PRPF18: variants seen among roughly 807,000 people sequenced by gnomAD.
PRPF18 encodes the protein pre-mRNA-splicing factor 18.
In PRPF18, 38 loss-of-function variants were observed where a neutral mutation model predicts 46.5. The observed-to-expected ratio is 0.82, with a 90% CI of 0.63 to 1.07. The LOEUF (loss-of-function observed/expected upper bound fraction) is 1.07. PRPF18 is among the 50% of genes least tolerant of loss of function. The pLI is 0.00. For missense variants in PRPF18, 263 were observed against 410.0 expected (o/e 0.64, Z 3.10); for synonymous variants, 152 against 146.7 (o/e 1.04, Z -0.26).
At chr10:13,613,056 G>T in intron 6 of PRPF18, among the ~76,000 whole-genome samples, 1 of 152,206 alleles carries the variant, frequency 6.6e-6, no homozygotes, top group East Asian at 1.9e-4. Flanking sequence ...GATACAGCAT[G>T]GAAGTAGATA....
chr10:13,593,751 G>A (rs1247661136), intron 1 of PRPF18, among the ~76,000 whole-genome samples: 1 of 152,180 alleles, frequency 6.6e-6, no homozygotes, highest in African/African-American at 2.4e-5. Context: ...AAGGACCAAT[G>A]AAGATCCAGC....
chr10:13,648,463 T>C, the PRPF18 span, among the ~76,000 whole-genome samples: 2 of 151,974 alleles, frequency 1.3e-5, no homozygotes, highest in African/African-American at 4.8e-5. Context: ...CTGGTGGTGC[T>C]CTCCACCATG....
At chr10:13,596,715 A>G (rs2080040289) in intron 1 of PRPF18, among the ~76,000 whole-genome samples, 1 of 152,222 alleles carries the variant, frequency 6.6e-6, no homozygotes, top group African/African-American at 2.4e-5. Context: ...GACAAGATTT[A>G]GAGCTTGTCT....
chr10:13,648,117 G>C, the PRPF18 span: 1 of 152,184 alleles, frequency 6.6e-6, no homozygotes, highest in East Asian at 1.9e-4. Flanking sequence ...TTTCTCATCT[G>C]GCCTTAAAAT....
chr10:13,609,940 G>T, intron 4 of PRPF18, 99 bp from the exon 5 acceptor site: 1 of 1,299,974 alleles, frequency 7.7e-7, no homozygotes, highest in East Asian at 2.3e-5. Context: ...CTTCTTGTGG[G>T]GGAAAAAATA....
At chr10:13,635,418 G>A (rs941715703), downstream of PRPF18, among the ~76,000 whole-genome samples, 1 of 152,152 alleles carries the variant, frequency 6.6e-6, no homozygotes, top group Admixed American at 6.5e-5. Flanking sequence ...CCCAGGAATG[G>A]GATTGTTGGA....
chr10:13,654,569 AAG>A, the PRPF18 span: 2 of 1,170,694 alleles, frequency 1.7e-6, no homozygotes, highest in Non-Finnish European at 2.5e-6. Context: ...ACACAGGTGA[AAG>A]AGCTTGCGAC....
chr10:13,616,436 G>T lies in PRPF18; in HGVS notation c.831G>T (p.Ala277=). The T allele has an allele frequency of 6.2e-7, 1 of 1,612,860 alleles. No homozygotes were observed. The change falls in exon 9 of 10, where the codon GCG becomes GCT. Residue 277 remains alanine, a synonymous_variant. Coordinates refer to ENST00000378572, the MANE Select transcript of PRPF18 (RefSeq NM_003675.4). ...DAYLQMAIGN[A]PWPIGVTMVG... is the part of the protein sequence containing the mutation. ...ATCTTCAGATGGCCATTGGAAATGC[G>T]CCTTGGCCCATCGGTGTCACTATGG...
intron 4 of PRPF18, 28 bp from the exon 5 acceptor site, chr10:13,610,011 G>A (rs550181714): frequency 6.4e-7 from 1 of 1,566,546 alleles, no homozygotes; most frequent in South Asian, 1.1e-5. Context: ...TTCATAACAG[G>A]TGTTCTTCCT....
In PRPF18 at chr10:13,586,993, T is replaced by C. The variant is rs1009265555; in HGVS notation, c.-94T>C. On this transcript the variant is annotated 5_prime_UTR_variant, in exon 1 of 10. Coordinates refer to ENST00000378572, the MANE Select transcript of PRPF18 (RefSeq NM_003675.4). ...TGTTCTCAGGTGTTTGGGCTTGTTG[T>C]TCCGTATACTCAGTGGGTTCGCGGC... 1.1e-5 allele frequency: 14 copies of C among 1,286,936 alleles called. No homozygotes were observed. Among genetic ancestry groups the C allele is most frequent in the Admixed American group, 5.1e-5 (3 of 59,332 alleles). 79.7% of individuals were successfully genotyped at this position (1,286,936 alleles called of 1,614,324 possible). A position where few individuals can be genotyped will look rare whatever the true frequency, so the allele number is the denominator to read the frequency against.
In PRPF18 at chr10:13,605,763, G is replaced by A. The variant is rs1564454833; in HGVS notation, c.363+19G>A. Reference sequence around the variant, plus strand: ...TAACAAGGTAAGAGGACAGAACAAAGCTAGAAAAATACCACTGTACTGCAT... The same window carrying A: ...TAACAAGGTAAGAGGACAGAACAAAACTAGAAAAATACCACTGTACTGCAT... On this transcript the variant is annotated intron_variant, in intron 4 of 9. Coordinates refer to ENST00000378572, the MANE Select transcript of PRPF18 (RefSeq NM_003675.4). 1.2e-6 allele frequency: 2 copies of A among 1,600,270 alleles called. No homozygotes were observed. The highest frequency in any genetic ancestry group is 2.3e-5 in the South Asian group (2 of 88,224).
chr10:13,597,634 A>G (rs530162131), intron 2 of PRPF18, 99 bp downstream of exon 2: 83 of 1,604,984 alleles, frequency 5.2e-5, no homozygotes, highest in Non-Finnish European at 6.6e-5. Flanking sequence ...CAATTTATCA[A>G]TATACGTTAG....
chr10:13,649,643 T>C, the PRPF18 span: 1 of 152,266 alleles, frequency 6.6e-6, no homozygotes, highest in African/African-American at 2.4e-5. Context: ...TTGAAGTACG[T>C]AAGGTATTTT....
intron 1 of PRPF18, among the ~76,000 whole-genome samples, chr10:13,593,049 A>G (rs1472135254): frequency 6.6e-6 from 1 of 152,240 alleles, no homozygotes; most frequent in Non-Finnish European, 1.5e-5. Flanking sequence ...ATGCTGAACA[A>G]CTGGATATCC....
At chr10:13,588,410 A>G (rs1442931202) in intron 1 of PRPF18, among the ~76,000 whole-genome samples, 1 of 151,056 alleles carries the variant, frequency 6.6e-6, no homozygotes, top group Non-Finnish European at 1.5e-5. Context: ...CCGTCTCAAA[A>G]AAAAAAAAAA....
At chr10:13,635,536 C>T (rs997166429), downstream of PRPF18, among the ~76,000 whole-genome samples, 1 of 152,122 alleles carries the variant, frequency 6.6e-6, no homozygotes, top group Non-Finnish European at 1.5e-5. Context: ...TTCCTTTTTT[C>T]TCTACAACCT....
chr10:13,633,945 C>T (rs1004507411), downstream of PRPF18, among the ~76,000 whole-genome samples: 1 of 152,202 alleles, frequency 6.6e-6, no homozygotes, highest in Non-Finnish European at 1.5e-5. Flanking sequence ...TCATCACAGA[C>T]TCTGCAGTTC....
At chr10:13,634,678 A>G (rs2080620149), downstream of PRPF18, among the ~76,000 whole-genome samples, 1 of 152,230 alleles carries the variant, frequency 6.6e-6, no homozygotes, top group Non-Finnish European at 1.5e-5. Context: ...AACTCAAAAC[A>G]AGTGTATGGA....
the PRPF18 span, chr10:13,654,957 T>C: frequency 1.2e-5 from 2 of 169,214 alleles, no homozygotes; most frequent in Non-Finnish European, 2.5e-5. Context: ...TGTTATGAAA[T>C]TGTTTCTCCC....
Sources: allele counts gnomAD v4.1 joint callset (sites outside exome capture counted in the v4.1 genomes callset), GRCh38; gene constraint gnomAD v4.1.1; transcripts MANE v1.5; gene names NCBI Gene and HGNC (gene_info 2026-07-23, HGNC 2026-07-21).